Variants in MSI2 observed in about 807,000 individuals in gnomAD.
MSI2 encodes musashi RNA binding protein 2.
MSI2 carries 17 observed loss-of-function variants against 45.6 expected under a neutral mutation model. The observed-to-expected ratio is 0.37, with a 90% CI of 0.26 to 0.56. The LOEUF (loss-of-function observed/expected upper bound fraction) is 0.56. MSI2 is among the 20% of genes least tolerant of loss of function. MSI2 has a pLI of 0.77. For missense variants in MSI2, 293 were observed against 444.2 expected, an observed-to-expected ratio of 0.66 and a Z score of 3.06; for synonymous variants, 156 against 158.2, an observed-to-expected ratio of 0.99 and a Z score of 0.11.
intron 7 of MSI2, among the ~76,000 whole-genome samples, chr17:57,582,296 G>GC (rs1261854786): frequency 6.6e-6 from 1 of 151,768 alleles, no homozygotes. Context: ...TTAGCATGCC[G>GC]CCCCCCAATA....
At chr17:57,358,856 G>A (rs1916628001) in intron 5 of MSI2, among the ~76,000 whole-genome samples, 1 of 152,088 alleles carries the variant, frequency 6.6e-6, no homozygotes, top group Admixed American at 6.5e-5. Context: ...ATGATATGTT[G>A]CTAGGGCCCA....
chr17:57,327,743 T>C (rs957629682), intron 5 of MSI2, among the ~76,000 whole-genome samples: 4 of 152,174 alleles, frequency 2.6e-5, no homozygotes, highest in Non-Finnish European at 5.9e-5. Context: ...TCCAAGGTCA[T>C]TGGCTGATGG....
chr17:57,323,957 T>C (rs541422923), intron 5 of MSI2, among the ~76,000 whole-genome samples: 5 of 152,312 alleles, frequency 3.3e-5, no homozygotes, highest in African/African-American at 9.6e-5. Flanking sequence ...GTTATGCAGC[T>C]GTATGTTAGG....
Position 57,594,610 on chromosome 17 carries a change from A to AGAT in MSI2, c.455-2256_455-2254dup, listed in dbSNP as rs1198142937. 2.6e-5 allele frequency among the ~76,000 whole-genome samples: 4 copies of AGAT among 152,282 alleles called. No homozygotes were observed. The South Asian group carries it at 6.2e-4, about 24-fold the overall frequency. On this transcript the variant is annotated intron_variant, in intron 7 of 13. Transcript: ENST00000284073. The stretch of plus-strand genomic sequence containing the variant: ...GTGGGACCAAGGGCCAAGGAGAAGG[A>AGAT]GATGCCCAAAGAGAGGGAATAGGAT...
At chr17:57,561,174 C>T (rs1435317735) in intron 7 of MSI2, among the ~76,000 whole-genome samples, 1 of 152,140 alleles carries the variant, frequency 6.6e-6, no homozygotes, top group African/African-American at 2.4e-5. Flanking sequence ...CAGAAGAAAC[C>T]AAGCGAAGTG....
At chr17:57,590,039 G>A (rs557219888) in intron 7 of MSI2, among the ~76,000 whole-genome samples, 1 of 152,342 alleles carries the variant, frequency 6.6e-6, no homozygotes, top group East Asian at 1.9e-4. Context: ...GCAAGAGAGG[G>A]AAGCTGCATG....
chr17:57,628,928 T>G (rs1909080891), intron 10 of MSI2: 1 of 153,356 alleles, frequency 6.5e-6, no homozygotes, highest in Non-Finnish European at 1.5e-5. Context: ...CCACTGTCAT[T>G]AGACTTTCCC....
intron 6 of MSI2, among the ~76,000 whole-genome samples, chr17:57,524,690 G>C (rs1480584993): frequency 1.3e-5 from 2 of 152,160 alleles, no homozygotes; most frequent in African/African-American, 4.8e-5. Context: ...TTCCATCGTG[G>C]GGTCTACCAT....
chr17:57,676,107 C>A (rs1003508814), intron 12 of MSI2, among the ~76,000 whole-genome samples: 1 of 152,248 alleles, frequency 6.6e-6, no homozygotes, highest in African/African-American at 2.4e-5. Context: ...TGACAGCTGG[C>A]AAGCCCTGAC....
chr17:57,389,539 A>C (rs905065569), intron 5 of MSI2, among the ~76,000 whole-genome samples: 3 of 152,190 alleles, frequency 2.0e-5, no homozygotes, highest in Non-Finnish European at 1.5e-5. Flanking sequence ...CCATACTAGA[A>C]CTAACACAGG....
chr17:57,472,945 T>C (rs1022883849), intron 6 of MSI2, among the ~76,000 whole-genome samples: 5 of 151,596 alleles, frequency 3.3e-5, no homozygotes, highest in Non-Finnish European at 7.4e-5. Context: ...CAGGCTGGAG[T>C]GCAATGGTGT....
At chr17:57,358,878 G>A (rs745632147) in intron 5 of MSI2, among the ~76,000 whole-genome samples, 20 of 152,030 alleles carry the variant, frequency 1.3e-4, no homozygotes, top group Non-Finnish European at 2.6e-4. Context: ...CCCTAGCAAC[G>A]TATCATCTTT....
At chr17:57,542,693 G>A (rs1279011666) in intron 7 of MSI2, among the ~76,000 whole-genome samples, 2 of 152,186 alleles carry the variant, frequency 1.3e-5, no homozygotes, top group African/African-American at 4.8e-5. Flanking sequence ...TGACCTTCAA[G>A]GAGCCTTCCA....
chr17:57,431,686 A>G (rs954495427), intron 6 of MSI2, among the ~76,000 whole-genome samples: 1 of 152,192 alleles, frequency 6.6e-6, no homozygotes, highest in African/African-American at 2.4e-5. Flanking sequence ...GGCAGATTGC[A>G]TTCCTCCCCT....
At chr17:57,672,005 G>T (rs1912825391) in intron 11 of MSI2, among the ~76,000 whole-genome samples, 1 of 152,200 alleles carries the variant, frequency 6.6e-6, no homozygotes, top group Non-Finnish European at 1.5e-5. Flanking sequence ...CAGGGGTGCG[G>T]GTTCCACTGC....
intron 7 of MSI2, among the ~76,000 whole-genome samples, chr17:57,549,111 G>A (rs2087243590): frequency 1.3e-5 from 2 of 152,180 alleles, no homozygotes; most frequent in South Asian, 2.1e-4. Flanking sequence ...CTGGGCTTAA[G>A]TGATTCTCCC....
intron 2 of MSI2, 26 bp from the exon 3 acceptor site, chr17:57,257,440 C>G (rs1317640763): frequency 4.1e-6 from 5 of 1,231,502 alleles, no homozygotes; most frequent in South Asian, 1.3e-5. Flanking sequence ...TCTCCCCCCC[C>G]CATCTCTCTC....
At chr17:57,534,009 T>C (rs900298839) in intron 7 of MSI2, among the ~76,000 whole-genome samples, 8 of 152,248 alleles carry the variant, frequency 5.3e-5, no homozygotes, top group Non-Finnish European at 7.3e-5. Flanking sequence ...AAGCAGGCCA[T>C]GTTAGCAATC....
At chr17:57,260,391 T>A (rs920888872) in intron 4 of MSI2, among the ~76,000 whole-genome samples, 2 of 152,166 alleles carry the variant, frequency 1.3e-5, no homozygotes, top group African/African-American at 4.8e-5. Flanking sequence ...TACTTCACTT[T>A]CTTCATTGCA....
Sources: allele counts gnomAD v4.1 joint callset (sites outside exome capture counted in the v4.1 genomes callset), GRCh38; gene constraint gnomAD v4.1.1; transcripts MANE v1.5; gene names NCBI Gene and HGNC (gene_info 2026-07-23, HGNC 2026-07-21).